Variants in TALDO1 observed in about 807,000 individuals in gnomAD.
TALDO1 encodes the protein transaldolase.
TALDO1 carries 29 observed loss-of-function variants against 38.1 expected under a neutral mutation model. The ratio of observed to expected loss-of-function variants is 0.76; its 90% confidence interval spans 0.57 to 1.04. TALDO1 has a LOEUF of 1.04. TALDO1 is among the 50% of genes least tolerant of loss of function. TALDO1 has a pLI of 0.00. For missense variants in TALDO1, 499 were observed against 438.1 expected (o/e 1.14, Z -1.24); for synonymous variants, 207 against 176.8 (o/e 1.17, Z -1.36).
At chr11:749,245 A>G (rs534651677) in intron 1 of TALDO1, among the ~76,000 whole-genome samples, 1 of 152,172 alleles carries the variant, frequency 6.6e-6, no homozygotes, top group South Asian at 2.1e-4. Flanking sequence ...TCTACTAAAA[A>G]TACAAAAATT....
intron 4 of TALDO1, among the ~76,000 whole-genome samples, chr11:761,521 T>C (rs1322390037): frequency 6.6e-6 from 1 of 152,054 alleles, no homozygotes; most frequent in South Asian, 2.1e-4. Context: ...ACCAAACATA[T>C]GTACGTTCAG....
intron 2 of TALDO1, among the ~76,000 whole-genome samples, chr11:757,949 C>A (rs1332340810): frequency 6.6e-6 from 1 of 152,080 alleles, no homozygotes; most frequent in Non-Finnish European, 1.5e-5. Context: ...ACAGTCTAGG[C>A]AATAGGGCAA....
At position 764,504 on chromosome 11, in the gene TALDO1, A is replaced by T. The variant is rs1318016751; in HGVS notation, c.981+71A>T. On this transcript the variant is annotated intron_variant, in intron 7 of 7. Coordinates refer to ENST00000319006, the MANE Select transcript of TALDO1 (RefSeq NM_006755.2). ...GCCCGGGCCTGGGCGTCGGGGTTCA[A>T]GCTGGGCAGAGTTAAAACTTTGGTG... 4 of 1,575,144 alleles carry T rather than the reference A, an allele frequency of 2.5e-6. No homozygotes were observed. The African/African-American group carries it at 5.4e-5, about 21-fold the overall frequency.
chr11:760,386 G>T, intron 4 of TALDO1, 133 bp downstream of exon 4: 4 of 1,370,776 alleles, frequency 2.9e-6, no homozygotes, highest in Non-Finnish European at 4.1e-6. Context: ...CCCACAGCTT[G>T]GACTTGACCA....
At chr11:759,626 G>A (rs1048634124) in intron 3 of TALDO1, among the ~76,000 whole-genome samples, 4 of 151,830 alleles carry the variant, frequency 2.6e-5, no homozygotes, top group Non-Finnish European at 5.9e-5. Flanking sequence ...TGTTGCCAGT[G>A]TAGAGTGCAG....
At chr11:758,446 G>T (rs10902219) in intron 2 of TALDO1, among the ~76,000 whole-genome samples, 3 of 150,174 alleles carry the variant, frequency 2.0e-5, no homozygotes, top group Admixed American at 2.0e-4. Context: ...TGTCTTGGGG[G>T]AAAAAAAAAA....
chr11:758,051 A>G (rs1862867526), intron 2 of TALDO1, among the ~76,000 whole-genome samples: 1 of 152,252 alleles, frequency 6.6e-6, no homozygotes, highest in African/African-American at 2.4e-5. Context: ...TGAGAGGCCA[A>G]GACAGGCGGA....
chr11:758,654 G>A (rs549179090), intron 2 of TALDO1, among the ~76,000 whole-genome samples: 41 of 151,890 alleles, frequency 2.7e-4, no homozygotes, highest in African/African-American at 9.9e-4. Context: ...GCTCAGGCTG[G>A]AGTGCAGTGG....
At chr11:749,401 CAAAAAA>C (rs374829411) in intron 1 of TALDO1, among the ~76,000 whole-genome samples, 1 of 110,832 alleles carries the variant, frequency 9.0e-6, no homozygotes, top group South Asian at 3.4e-4. Context: ...AACTCCGTCT[CAAAAAA>C]AAAAAAAAAA....
rs560903146 is a variant in TALDO1 at position 758,842 on chromosome 11, T to C, written c.222-108T>C. On this transcript the variant is annotated intron_variant, in intron 2 of 7. Coordinates refer to ENST00000319006, the MANE Select transcript of TALDO1 (RefSeq NM_006755.2). ...GGATGGTCTTGATCTCCTGACCTCA[T>C]GATCCGCCCACCTCGGCCTCCCAAA... 1.3e-4 allele frequency: 96 copies of C among 743,476 alleles called. 1 individual carries two copies. The highest frequency in any genetic ancestry group is 1.2e-3 in the South Asian group (91 of 74,546). 46.1% of individuals were successfully genotyped at this position (743,476 alleles called of 1,614,324 possible).
At chr11:762,189 C>T (rs1235779137) in intron 4 of TALDO1, among the ~76,000 whole-genome samples, 2 of 151,488 alleles carry the variant, frequency 1.3e-5, no homozygotes, top group Admixed American at 6.6e-5. Flanking sequence ...ATCTCAAACT[C>T]CCAGCCTCAG....
chr11:748,218 C>T (rs1233357594), intron 1 of TALDO1, among the ~76,000 whole-genome samples: 1 of 152,248 alleles, frequency 6.6e-6, no homozygotes, highest in Non-Finnish European at 1.5e-5. Context: ...GCTGCCAGTG[C>T]TGCCATCGCC....
At chr11:760,085 C>T (rs1862903745) in intron 3 of TALDO1, 37 bp from the exon 4 acceptor site, 3 of 1,612,274 alleles carry the variant, frequency 1.9e-6, no homozygotes, top group East Asian at 2.2e-5. Context: ...GGGCAACCTG[C>T]GTGATCTGAG....
intron 3 of TALDO1, among the ~76,000 whole-genome samples, chr11:759,729 G>A (rs1206045706): frequency 5.9e-5 from 9 of 152,060 alleles, no homozygotes; most frequent in Non-Finnish European, 1.0e-4. Flanking sequence ...ACAGACACCC[G>A]CCACCATACC....
chr11:764,401 G>C lies in TALDO1; in HGVS notation c.949G>C (p.Ala317Pro). ...KLSDGIRKFA[A>P]DAVKLERMLT... ...CTCTGACGGGATCCGCAAGTTTGCC[G>C]CTGATGCAGTGAAGCTGGAGCGGAT... The change falls in exon 7 of 8, where the codon GCT becomes CCT. Residue 317 changes from alanine to proline, a missense_variant. Physicochemically the swap from Ala to Pro is conservative, Grantham distance 27. Coordinates refer to ENST00000319006, the MANE Select transcript of TALDO1 (RefSeq NM_006755.2). 6.2e-7 allele frequency: 1 copy of C among 1,612,164 alleles called. No homozygotes were observed. The highest frequency in any genetic ancestry group is 8.5e-7 in the Non-Finnish European group (1 of 1,178,694).
chr11:747,539 C>G lies in TALDO1; in HGVS notation c.58C>G (p.Gln20Glu). ...RMESALDQLK[Q>E]FTTVVADTGD... is the part of the protein sequence containing the mutation. ...GGAGTCCGCGCTGGACCAGCTCAAG[C>G]AGTTCACCACCGTGGTGGCCGACAC... Residue 20 changes from glutamine (Q) to glutamate (E), a missense_variant, in exon 1 of 8, where the codon CAG (glutamine) becomes GAG (glutamate). Gln to Glu is a conservative substitution (Grantham distance 29). Transcript: ENST00000319006. 1 of 1,597,722 alleles carries G rather than the reference C, an allele frequency of 6.3e-7. No individual in the cohort carries two copies.
chr11:764,440 G>GT lies in TALDO1; in HGVS notation c.981+9dup, dbSNP rs1564994979. On this transcript the variant is annotated splice_region_variant and intron_variant, in intron 7 of 7. Coordinates refer to ENST00000319006, the MANE Select transcript of TALDO1 (RefSeq NM_006755.2). The stretch of plus-strand genomic sequence containing the variant: ...GCTGGAGCGGATGCTGACAGTGAGT[G>GT]TTGTGTGTGGGTACCTACATATGCC... 1 of 1,613,840 alleles carries GT rather than the reference G, an allele frequency of 6.2e-7. No individual in the cohort carries two copies. Among genetic ancestry groups the GT allele is most frequent in the Admixed American group, 1.7e-5 (1 of 59,964 alleles).
intron 1 of TALDO1, 37 bp downstream of exon 1, chr11:747,615 C>T: frequency 6.6e-7 from 1 of 1,516,164 alleles, no homozygotes; most frequent in South Asian, 1.2e-5. Flanking sequence ...GGCGCAAGCG[C>T]CCTCCAGAGG....
Position 759,035 on chromosome 11 carries a change from G to C in TALDO1, c.307G>C (p.Val103Leu). 1.2e-6 allele frequency: 2 copies of C among 1,612,828 alleles called. No homozygotes were observed. The highest frequency in any genetic ancestry group is 1.7e-6 in the Non-Finnish European group (2 of 1,179,112). The change falls in exon 3 of 8, where the codon GTA becomes CTA. Residue 103 changes from valine (V) to leucine (L), a missense_variant. By Grantham distance (32) the Val-to-Leu change is conservative (BLOSUM62 1). Transcript: ENST00000319006. ...AEILKKIPGRVSTEVDARLSF... is the reference protein window; with the variant it reads ...AEILKKIPGRLSTEVDARLSF... ...AATACTAAAGAAGATTCCGGGCCGA[G>C]TATCCACAGAAGTAGACGCAAGGTA...
Sources: gnomAD v4.1 joint callset for allele counts (sites outside exome capture counted in the v4.1 genomes callset) on GRCh38, gnomAD v4.1.1 for gene constraint, MANE v1.5 for transcripts, NCBI Gene and HGNC (gene_info 2026-07-23, HGNC 2026-07-21) for gene names.